The following PIAS2 variants were observed in gnomAD, a reference collection of about 807,000 sequenced individuals.
The protein encoded by PIAS2 is protein inhibitor of activated STAT 2.
In PIAS2, 19 loss-of-function variants were observed where a neutral mutation model predicts 69.7. That is an observed-to-expected ratio of 0.27 (90% CI 0.19 to 0.40). The LOEUF is 0.40. Ranked by LOEUF, PIAS2 falls within the 10% of genes least tolerant of loss-of-function variation. The pLI, the probability that PIAS2 is intolerant of heterozygous loss-of-function variation, is 1.00. For synonymous variants in PIAS2, 261 were observed against 263.2 expected, an observed-to-expected ratio of 0.99 and a Z score of 0.08; for missense variants, 624 against 757.0, an observed-to-expected ratio of 0.82 and a Z score of 2.06.
chr18:46,855,706 T>G (rs948950826), intron 3 of PIAS2, 91 bp from the exon 4 acceptor site: 8 of 983,734 alleles, frequency 8.1e-6, no homozygotes, highest in Non-Finnish European at 1.3e-5. Context: ...AAAGCATTAT[T>G]TGTATTTTTC....
intron 10 of PIAS2, among the ~76,000 whole-genome samples, 192 bp downstream of exon 10, chr18:46,829,542 T>C (rs922538924): frequency 1.3e-5 from 2 of 152,198 alleles, no homozygotes; most frequent in African/African-American, 4.8e-5. Context: ...TACTATGAAA[T>C]AGCTGATAAG....
chr18:46,905,833 A>T (rs1334515415), intron 1 of PIAS2: 3 of 152,194 alleles, frequency 2.0e-5, no homozygotes, highest in Non-Finnish European at 4.4e-5. Context: ...AGCAAGTTCT[A>T]CTAAATATTT....
chr18:46,878,343 T>C (rs2051595946), intron 2 of PIAS2, among the ~76,000 whole-genome samples: 1 of 152,230 alleles, frequency 6.6e-6, no homozygotes, highest in South Asian at 2.1e-4. Flanking sequence ...AAGTCTATGC[T>C]TTTTAAGATA....
At chr18:46,824,929 GGTCAAGA>G (rs1423061440) in intron 11 of PIAS2, among the ~76,000 whole-genome samples, 2 of 151,120 alleles carry the variant, frequency 1.3e-5, no homozygotes, top group Non-Finnish European at 2.9e-5. Flanking sequence ...CAACCCAGGA[GGTCAAGA>G]CTGCAGTGAG....
At chr18:46,894,009 C>T (rs1185060657) in intron 1 of PIAS2, among the ~76,000 whole-genome samples, 1 of 152,032 alleles carries the variant, frequency 6.6e-6, no homozygotes, top group African/African-American at 2.4e-5. Context: ...ACCTGTAGTC[C>T]CTGCTACTCG....
intron 9 of PIAS2, among the ~76,000 whole-genome samples, chr18:46,832,356 C>T (rs1032796394): frequency 2.6e-5 from 4 of 151,604 alleles, no homozygotes; most frequent in Non-Finnish European, 5.9e-5. Flanking sequence ...TGGAAGGTTG[C>T]GCTGAGCTGA....
At chr18:46,857,296 C>T (rs1350846023) in intron 3 of PIAS2, among the ~76,000 whole-genome samples, 1 of 152,162 alleles carries the variant, frequency 6.6e-6, no homozygotes, top group Admixed American at 6.5e-5. Context: ...ACAGTATTTG[C>T]TTCAAAGGAT....
chr18:46,812,119 A>C lies in PIAS2; in HGVS notation c.*314T>G, dbSNP rs1278998805. The C allele has an allele frequency of 1.1e-5, 2 of 184,438 alleles. No individual in the cohort carries two copies. Among genetic ancestry groups the C allele is most frequent in the Non-Finnish European group, 2.2e-5 (2 of 89,630 alleles). The allele number at this position is 184,438 out of a possible 1,614,324, so 11.4% of individuals were successfully genotyped here. On this transcript the variant is annotated 3_prime_UTR_variant, in exon 14 of 14. Coordinates refer to ENST00000585916, the MANE Select transcript of PIAS2 (RefSeq NM_004671.5). ...ACATAATTTTATTGCTCTTTATTTTAACAAAAACTTTTTTCACTGATTTGT... is the reference window on the plus strand; with the variant it reads ...ACATAATTTTATTGCTCTTTATTTTCACAAAAACTTTTTTCACTGATTTGT...
chr18:46,879,139 A>C (rs969009837), intron 2 of PIAS2, among the ~76,000 whole-genome samples: 1 of 152,170 alleles, frequency 6.6e-6, no homozygotes. Flanking sequence ...CAACTAAAGA[A>C]TGTCTTCTCC....
At chr18:46,836,122 A>C (rs2044385826) in intron 9 of PIAS2, 2 of 345,094 alleles carry the variant, frequency 5.8e-6, no homozygotes, top group East Asian at 4.4e-5. Context: ...TAATCTTGGA[A>C]AGCAAAAACA....
chr18:46,888,699 C>G (rs1288585470), intron 2 of PIAS2, among the ~76,000 whole-genome samples: 1 of 152,192 alleles, frequency 6.6e-6, no homozygotes, highest in Non-Finnish European at 1.5e-5. Flanking sequence ...AGCATGCAAT[C>G]TAGATCCCTT....
At position 46,807,016 on chromosome 18, in the gene PIAS2, A is replaced by T. The variant is rs1305374466; in HGVS notation, c.*5417T>A. 6.6e-6 allele frequency: 1 copy of T among 151,982 alleles called. No homozygotes were observed. The highest frequency in any genetic ancestry group is 1.5e-5 in the Non-Finnish European group (1 of 68,008). The allele number at this position is 151,982 out of a possible 1,614,324, so 9.4% of individuals were successfully genotyped here. On this transcript the variant is annotated 3_prime_UTR_variant, in exon 14 of 14. Coordinates refer to ENST00000585916, the MANE Select transcript of PIAS2 (RefSeq NM_004671.5). ...GCTACCCTTATTGGAAACATAAGGG[A>T]ATATAAAGTGAAAACAGGCAATGTT...
rs1160929560 is a variant in PIAS2 at position 46,811,545 on chromosome 18, T to A, written c.*888A>T. 1 of 152,198 alleles carries A rather than the reference T, an allele frequency of 6.6e-6. No individual in the cohort carries two copies. Among genetic ancestry groups the A allele is most frequent in the African/African-American group, 2.4e-5 (1 of 41,446 alleles). The allele number at this position is 152,198 out of a possible 1,614,324, so 9.4% of individuals were successfully genotyped here. The stretch of plus-strand genomic sequence containing the variant: ...ATCAATATTTGATAGTGTGAACAAA[T>A]TTCTAACAAACATTCCAGTCACACC... On this transcript the variant is annotated 3_prime_UTR_variant, in exon 14 of 14. Transcript: ENST00000585916.
intron 2 of PIAS2, among the ~76,000 whole-genome samples, chr18:46,887,306 AC>A (rs1313813141): frequency 6.6e-6 from 1 of 152,064 alleles, no homozygotes; most frequent in Non-Finnish European, 1.5e-5. Context: ...GTCAGGCCAT[AC>A]TAACCCCACT....
intron 12 of PIAS2, chr18:46,816,273 T>C (rs2041525044): frequency 3.1e-6 from 3 of 969,742 alleles, no homozygotes; most frequent in Non-Finnish European, 3.7e-6. Context: ...AAATAGAGAA[T>C]ATCAGTGGGT....
At chr18:46,816,850 A>G (rs2041608271) in intron 12 of PIAS2, 1 of 982,034 alleles carries the variant, frequency 1.0e-6, no homozygotes, top group Non-Finnish European at 1.2e-6. Flanking sequence ...AGAGAATTAC[A>G]ACAAACTTTT....
In PIAS2 at chr18:46,903,236, G is replaced by T. The variant is rs185268676; in HGVS notation, c.25-12182C>A. Among the ~76,000 whole-genome samples, 25 of 149,492 alleles carry T rather than the reference G, an allele frequency of 1.7e-4. No homozygotes were observed. The East Asian group carries it at 4.7e-3, about 28-fold the overall frequency. The stretch of plus-strand genomic sequence containing the variant: ...TCACACAAACTAAAACCTGTGCTAC[G>T]CAAAAGACCCCTTTAAAAGGAAAAA... On this transcript the variant is annotated intron_variant, in intron 1 of 13. Transcript: ENST00000585916.
chr18:46,855,345 A>G lies in PIAS2; in HGVS notation c.726T>C (p.Pro242=), dbSNP rs185384560. The change falls in exon 5 of 14, where the codon CCT becomes CCC. Residue 242 remains proline, a splice_region_variant and synonymous_variant. Transcript: ENST00000585916. The part of the protein sequence containing the change: ...IKVNGKLFPL[P]GYAPPPKNGI... ...ATCTGGTGAATAAAAAGCAACTTAC[A>G]GGCAAAGGAAATAGCTTCCCATTTA... The G allele has an allele frequency of 6.3e-6, 10 of 1,592,256 alleles. No individual in the cohort carries two copies. The highest frequency in any genetic ancestry group is 5.4e-5 in the African/African-American group (4 of 73,958).
chr18:46,882,595 T>C (rs2052456752), intron 2 of PIAS2, among the ~76,000 whole-genome samples: 1 of 152,196 alleles, frequency 6.6e-6, no homozygotes, highest in South Asian at 2.1e-4. Context: ...AGCTGCAATG[T>C]CTGTAAAACT....
Sources: gnomAD v4.1 joint callset for allele counts (sites outside exome capture counted in the v4.1 genomes callset) on GRCh38, gnomAD v4.1.1 for gene constraint, MANE v1.5 for transcripts, NCBI Gene and HGNC (gene_info 2026-07-23, HGNC 2026-07-21) for gene names.